Variants in ERICH1 observed in about 807,000 individuals in gnomAD.
ERICH1 encodes glutamate-rich protein 1.
ERICH1 carries 56 observed loss-of-function variants against 39.6 expected under a neutral mutation model. The ratio of observed to expected loss-of-function variants is 1.41; its 90% CI spans 1.14 to 1.77. The LOEUF is 1.77. Among genes scored for constraint, ERICH1 ranks in the 40% most tolerant of loss-of-function variants. ERICH1 has a pLI of 0.00. For synonymous variants in ERICH1, 313 were observed against 223.6 expected (o/e 1.40, Z -3.57); for missense variants, 826 against 575.4 (o/e 1.44, Z -4.45).
chr8:665,902 C>T (rs1454619593), intron 5 of ERICH1: 3 of 152,216 alleles, frequency 2.0e-5, no homozygotes, highest in African/African-American at 7.2e-5. Flanking sequence ...CATTAAACTC[C>T]TAAGCTAGTT....
At chr8:717,856 G>A (rs535464143) in intron 1 of ERICH1, among the ~76,000 whole-genome samples, 16 of 152,224 alleles carry the variant, frequency 1.1e-4, no homozygotes, top group Non-Finnish European at 2.4e-4. Context: ...CCTGAGGCTG[G>A]GCAGGCACAA....
intron 3 of ERICH1, among the ~76,000 whole-genome samples, chr8:617,659 G>C (rs1797008596): frequency 1.4e-5 from 2 of 147,324 alleles, no homozygotes; most frequent in Admixed American, 1.3e-4. Context: ...GCTGAGTGCT[G>C]GGTGCTCGGT....
downstream of ERICH1, among the ~76,000 whole-genome samples, chr8:663,688 T>C (rs1199220774): frequency 1.3e-5 from 2 of 151,982 alleles, no homozygotes. Flanking sequence ...TATGTATGTT[T>C]TACCACAATA....
downstream of ERICH1, among the ~76,000 whole-genome samples, chr8:661,512 C>G (rs141019992): frequency 1.3e-5 from 2 of 152,296 alleles, no homozygotes; most frequent in African/African-American, 4.8e-5. Context: ...TCCTCATGCT[C>G]CTGACTGTTT....
intron 1 of ERICH1, among the ~76,000 whole-genome samples, chr8:726,572 A>T (rs1197913731): frequency 6.6e-6 from 1 of 151,126 alleles, no homozygotes; most frequent in Non-Finnish European, 1.5e-5. Flanking sequence ...CAGGCACAAG[A>T]CACACAGGCG....
At chr8:723,752 G>A (rs1007885592) in intron 1 of ERICH1, among the ~76,000 whole-genome samples, 2 of 152,064 alleles carry the variant, frequency 1.3e-5, no homozygotes, top group Non-Finnish European at 2.9e-5. Context: ...TAAAAACTAA[G>A]TTAAATGCCT....
chr8:616,253 G>C (rs976991119), intron 3 of ERICH1: 1 of 279,068 alleles, frequency 3.6e-6, no homozygotes, highest in African/African-American at 2.2e-5. Context: ...AATGGTGTCT[G>C]AGGCACAGAT....
At chr8:691,253 C>T (rs1182687528) in intron 3 of ERICH1, among the ~76,000 whole-genome samples, 1 of 152,236 alleles carries the variant, frequency 6.6e-6, no homozygotes, top group Non-Finnish European at 1.5e-5. Flanking sequence ...CTCCTGGACA[C>T]GTGTCCTCAA....
intron 3 of ERICH1, among the ~76,000 whole-genome samples, chr8:657,766 C>G (rs4735812): frequency 0.92 from 139,681 of 151,958 alleles, 64,339 homozygotes; most frequent in African/African-American, 0.96. Flanking sequence ...TTAAAGGACT[C>G]AGTAATGTGC....
At chr8:674,139 G>A in intron 3 of ERICH1, 92 bp from the exon 4 acceptor site, 2 of 1,396,586 alleles carry the variant, frequency 1.4e-6, no homozygotes, top group Admixed American at 2.6e-5. Context: ...GGATCTTGTA[G>A]TTTTAGTAGA....
chr8:636,774 C>G (rs958818770), intron 3 of ERICH1, among the ~76,000 whole-genome samples: 1 of 152,252 alleles, frequency 6.6e-6, no homozygotes, highest in Non-Finnish European at 1.5e-5. Flanking sequence ...AGGCCCCAGA[C>G]GTGCTCCCCT....
intron 3 of ERICH1, among the ~76,000 whole-genome samples, chr8:690,227 G>A (rs1317876788): frequency 6.6e-6 from 1 of 152,192 alleles, no homozygotes; most frequent in East Asian, 1.9e-4. Flanking sequence ...TTCCTGACAA[G>A]CTGTGAGCCC....
chr8:670,527 G>A (rs1361441001), intron 4 of ERICH1, among the ~76,000 whole-genome samples: 1 of 152,170 alleles, frequency 6.6e-6, no homozygotes, highest in African/African-American at 2.4e-5. Flanking sequence ...TGACTCCAGG[G>A]TGGCCACACA....
intron 3 of ERICH1, among the ~76,000 whole-genome samples, chr8:616,804 G>A (rs1164263148): frequency 1.1e-5 from 1 of 87,186 alleles, no homozygotes; most frequent in Non-Finnish European, 2.2e-5. Context: ...GGGAAGAGAG[G>A]GGGGAGGAAG....
chr8:661,200 G>T (rs538143557), downstream of ERICH1, among the ~76,000 whole-genome samples: 1 of 152,258 alleles, frequency 6.6e-6, no homozygotes, highest in African/African-American at 2.4e-5. Flanking sequence ...TCTCTGAAGA[G>T]CCCCGGGATG....
At chr8:684,419 T>A (rs544075184) in intron 3 of ERICH1, among the ~76,000 whole-genome samples, 156 of 151,922 alleles carry the variant, frequency 1.0e-3, no homozygotes, top group African/African-American at 3.7e-3. Context: ...CAAAAAAATG[T>A]TAAAATGAGG....
intron 3 of ERICH1, among the ~76,000 whole-genome samples, chr8:630,163 C>T (rs1251518960): frequency 4.7e-4 from 53 of 113,686 alleles, no homozygotes; most frequent in Non-Finnish European, 7.6e-4. Context: ...TGACCACCCA[C>T]ACAGACAGAG....
Position 664,680 on chromosome 8 carries a change from G to T in ERICH1, c.1259-4C>A. ...GCTGAGATTACTCTGGCATGGTCTA[G>T]AAAGCAAAAAACACAAAACAAAAAA... On this transcript the variant is annotated splice_polypyrimidine_tract_variant and splice_region_variant and intron_variant, in intron 5 of 5. Transcript: ENST00000262109. 6.2e-7 allele frequency: 1 copy of T among 1,600,764 alleles called. No homozygotes were observed.
intron 3 of ERICH1, among the ~76,000 whole-genome samples, chr8:632,235 T>C (rs1022510953): frequency 4.6e-5 from 7 of 152,196 alleles, no homozygotes; most frequent in African/African-American, 1.7e-4. Context: ...TTGTGTGTCG[T>C]GTTTATCTTG....
Sources: gnomAD v4.1 joint callset for allele counts (sites outside exome capture counted in the v4.1 genomes callset) on GRCh38, gnomAD v4.1.1 for gene constraint, MANE v1.5 for transcripts, NCBI Gene and HGNC (gene_info 2026-07-23, HGNC 2026-07-21) for gene names.